MPDZ: variants seen among roughly 807,000 people sequenced by gnomAD.
MPDZ encodes multiple PDZ domain protein.
A neutral mutation model predicts 239.1 loss-of-function variants in MPDZ; 234 were observed. That is an observed-to-expected ratio of 0.98 (90% CI 0.88 to 1.09). MPDZ has a LOEUF of 1.09. MPDZ is among the 50% of genes least tolerant of loss of function. MPDZ has a pLI of 0.00. For synonymous variants in MPDZ, 1,048 were observed against 881.3 expected, an observed-to-expected ratio of 1.19 and a Z score of -3.35; for missense variants, 3,175 against 2,510.0, an observed-to-expected ratio of 1.26 and a Z score of -5.66.
chr9:13,218,535 T>G (rs974272261), intron 8 of MPDZ, among the ~76,000 whole-genome samples: 2 of 151,972 alleles, frequency 1.3e-5, no homozygotes, highest in African/African-American at 4.8e-5. Flanking sequence ...CAAGCATTCT[T>G]TACTTCTTTC....
chr9:13,215,936 CAGCAATTT>C (rs1473398165), intron 10 of MPDZ, among the ~76,000 whole-genome samples: 1 of 134,564 alleles, frequency 7.4e-6, no homozygotes, highest in African/African-American at 2.8e-5. Context: ...CCCAGCAATT[CAGCAATTT>C]GTTTTTTTTT....
rs899786098 is a variant in MPDZ at position 13,105,918 on chromosome 9, C to T, written c.*1047G>A. ...TCTCAATAAACAGCTCCATCTGTTT[C>T]CCTTAGTCTTAAACTATTGTATTAT... On this transcript the variant is annotated 3_prime_UTR_variant, in exon 47 of 47. Coordinates refer to ENST00000319217, the MANE Select transcript of MPDZ (RefSeq NM_001378778.1). 2.0e-5 allele frequency: 3 copies of T among 152,124 alleles called. No homozygotes were observed. Among genetic ancestry groups the T allele is most frequent in the African/African-American group, 4.8e-5 (2 of 41,420 alleles). The allele number at this position is 152,124 out of a possible 1,614,324, so 9.4% of individuals were successfully genotyped here.
chr9:13,183,530 G>T lies in MPDZ; in HGVS notation c.2537C>A (p.Ser846Tyr). 4 of 1,612,538 alleles carry T rather than the reference G, an allele frequency of 2.5e-6. No individual in the cohort carries two copies. Among genetic ancestry groups the T allele is most frequent in the Non-Finnish European group, 3.4e-6 (4 of 1,179,108 alleles). ...AGAGTAGATGCTGTCATTTTCAGGA[G>T]AGTATGGAGACTCAAATGTGGATTC... Reference protein sequence around the residue: ...VDESTFESPYSPENDSIYSTQ... With the variant: ...VDESTFESPYYPENDSIYSTQ... Residue 846 changes from serine (S) to tyrosine (Y), a missense_variant, in exon 19 of 47, where the codon TCT becomes TAT. Ser to Tyr is a moderately radical substitution (Grantham distance 144). Coordinates refer to ENST00000319217, the MANE Select transcript of MPDZ (RefSeq NM_001378778.1).
intron 12 of MPDZ, among the ~76,000 whole-genome samples, chr9:13,197,735 A>C (rs1955831565): frequency 6.6e-6 from 1 of 152,030 alleles, no homozygotes; most frequent in Non-Finnish European, 1.5e-5. Flanking sequence ...CCCAGTAACC[A>C]ATACCTCTTC....
At chr9:13,207,162 CCTGT>C (rs1383838458) in intron 10 of MPDZ, among the ~76,000 whole-genome samples, 3 of 152,160 alleles carry the variant, frequency 2.0e-5, no homozygotes, top group African/African-American at 4.8e-5. Context: ...AAAAAAGTGT[CCTGT>C]CTATTTGTCT....
At chr9:13,114,886 C>T (rs566670071) in intron 40 of MPDZ, among the ~76,000 whole-genome samples, 18 of 151,054 alleles carry the variant, frequency 1.2e-4, no homozygotes, top group South Asian at 4.2e-4. Context: ...GGTGACAGAG[C>T]GAGACTCTGT....
intron 19 of MPDZ, among the ~76,000 whole-genome samples, chr9:13,179,481 G>C (rs1418441861): frequency 6.6e-6 from 1 of 152,084 alleles, no homozygotes; most frequent in East Asian, 1.9e-4. Context: ...CAGACACACA[G>C]AAAAGAAAGA....
intron 17 of MPDZ, 140 bp downstream of exon 17, chr9:13,188,644 T>C: frequency 6.7e-6 from 4 of 598,642 alleles, no homozygotes; most frequent in Non-Finnish European, 1.1e-5. Context: ...TAAATCTTTA[T>C]ACGAATGGAG....
rs747166942 is a variant in MPDZ, at chr9:13,150,590, C to T, written c.3551G>A (p.Gly1184Asp). Residue 1184 changes from glycine (G) to aspartate (D), a missense_variant, in exon 25 of 47, where the codon GGC becomes GAC. Transcript: ENST00000319217. ...TTCCAGAACATGTTTGATGAAAATG[C>T]CCCTCATCACTTCTCCATTGCTTAG... ...SRLSNGEVMR[G>D]IFIKHVLEDS... is the part of the protein sequence containing the mutation. 6.4e-7 allele frequency: 1 copy of T among 1,560,860 alleles called. No individual in the cohort carries two copies. The highest frequency in any genetic ancestry group is 2.4e-5 in the East Asian group (1 of 42,200).
intron 3 of MPDZ, among the ~76,000 whole-genome samples, chr9:13,228,337 A>T (rs1961278472): frequency 6.6e-6 from 1 of 152,058 alleles, no homozygotes; most frequent in South Asian, 2.1e-4. Flanking sequence ...CCTAAATATT[A>T]TACAACTTAT....
chr9:13,220,270 A>G (rs1958931845), intron 7 of MPDZ, among the ~76,000 whole-genome samples: 1 of 151,972 alleles, frequency 6.6e-6, no homozygotes, highest in African/African-American at 2.4e-5. Context: ...TGAAGTGAAA[A>G]TTCAGAAAGA....
At chr9:13,234,675 A>G (rs1279786562) in intron 3 of MPDZ, among the ~76,000 whole-genome samples, 2 of 152,148 alleles carry the variant, frequency 1.3e-5, no homozygotes, top group African/African-American at 4.8e-5. Flanking sequence ...TAGTTTTGGT[A>G]AACTGTTTAA....
chr9:13,182,390 A>C (rs1235128181), intron 19 of MPDZ, among the ~76,000 whole-genome samples: 1 of 152,116 alleles, frequency 6.6e-6, no homozygotes, highest in African/African-American at 2.4e-5. Context: ...ATATGTTATA[A>C]TGTATTAGAC....
intron 1 of MPDZ, among the ~76,000 whole-genome samples, chr9:13,264,426 G>T (rs2149988): frequency 0.14 from 21,632 of 151,936 alleles, 1,748 homozygotes; most frequent in Non-Finnish European, 0.17. Context: ...TAATTTTAAA[G>T]TTGAAAGGAG....
intron 9 of MPDZ, 121 bp from the exon 10 acceptor site, chr9:13,216,983 C>A: frequency 1.2e-6 from 1 of 818,996 alleles, no homozygotes; most frequent in South Asian, 1.8e-5. Context: ...AGTAGAAACA[C>A]AGGCTAAAGA....
intron 12 of MPDZ, among the ~76,000 whole-genome samples, chr9:13,201,847 A>G (rs900006988): frequency 6.6e-6 from 1 of 152,126 alleles, no homozygotes; most frequent in African/African-American, 2.4e-5. Context: ...GTGATCCTGG[A>G]TTATTTTTTA....
rs1038077595 is a variant in MPDZ, at chr9:13,247,745, C to T, written c.73G>A (p.Gly25Arg). 6.2e-7 allele frequency: 1 copy of T among 1,612,900 alleles called. No individual in the cohort carries two copies. The highest frequency in any genetic ancestry group is 1.7e-5 in the Admixed American group (1 of 59,994). ...ERLQTKLRERGDVANEDKLSL... is the reference protein window; with the variant it reads ...ERLQTKLRERRDVANEDKLSL... ...AGTTTGTCTTCATTTGCTACATCCC[C>T]ACGTTCTCGCAGCTTGGTTTGCAAG... The change falls in exon 3 of 47, where the codon GGG (glycine) becomes AGG (arginine). Residue 25 changes from glycine to arginine, a missense_variant. Transcript: ENST00000319217.
chr9:13,193,302 C>T lies in MPDZ; in HGVS notation c.1668G>A (p.Val556=), dbSNP rs761127580. The change falls in exon 14 of 47, where the codon GTG becomes GTA. Residue 556 remains valine, a synonymous_variant. Transcript: ENST00000319217. ...GINYEIVVAH[V]SKFSENSGLG... ...ATCCACTGTTCTCACTAAACTTGCT[C>T]ACATGGGCCACCTGAAAAGAAAAAA... The T allele has an allele frequency of 6.3e-6, 10 of 1,591,578 alleles. No homozygotes were observed. The highest frequency in any genetic ancestry group is 8.5e-7 in the Non-Finnish European group (1 of 1,170,552).
intron 9 of MPDZ, 92 bp from the exon 10 acceptor site, chr9:13,216,954 G>A (rs1188283936): frequency 4.2e-6 from 4 of 956,114 alleles, no homozygotes; most frequent in Admixed American, 2.2e-5. Context: ...CTCTAATTCA[G>A]AATAAATACG....
Sources: gnomAD v4.1 joint callset for allele counts (sites outside exome capture counted in the v4.1 genomes callset) on GRCh38, gnomAD v4.1.1 for gene constraint, MANE v1.5 for transcripts, NCBI Gene and HGNC (gene_info 2026-07-23, HGNC 2026-07-21) for gene names.